The following EPB41L3 variants were observed in gnomAD, a reference collection of about 807,000 sequenced individuals.
EPB41L3 encodes the protein band 4.1-like protein 3.
In EPB41L3, 57 loss-of-function variants were observed where a neutral mutation model predicts 127.1. The ratio of observed to expected loss-of-function variants is 0.45; its 90% CI spans 0.36 to 0.56. The LOEUF is 0.56. EPB41L3 is among the 20% of genes least tolerant of loss of function. The pLI is 0.00. For synonymous variants in EPB41L3, 572 were observed against 549.5 expected (o/e 1.04, Z -0.57); for missense variants, 1,273 against 1,372.2 (o/e 0.93, Z 1.14).
chr18:5,495,543 G>A (rs1198200510), intron 1 of EPB41L3, among the ~76,000 whole-genome samples: 1 of 152,038 alleles, frequency 6.6e-6, no homozygotes, highest in Non-Finnish European at 1.5e-5. Context: ...CCCAGAGAGG[G>A]GGCTTTAACC....
chr18:5,535,285 T>G (rs2093538006), intron 1 of EPB41L3, among the ~76,000 whole-genome samples: 1 of 152,020 alleles, frequency 6.6e-6, no homozygotes, highest in African/African-American at 2.4e-5. Context: ...TGGAGGTCCT[T>G]GGTGCTAAAA....
intron 3 of EPB41L3, among the ~76,000 whole-genome samples, chr18:5,606,302 G>A (rs181293807): frequency 1.3e-5 from 2 of 152,264 alleles, no homozygotes; most frequent in Admixed American, 6.5e-5. Flanking sequence ...CTTTACATGA[G>A]CATGTGAGTA....
chr18:5,579,165 T>C (rs1035097838), intron 3 of EPB41L3, among the ~76,000 whole-genome samples: 5 of 152,242 alleles, frequency 3.3e-5, no homozygotes, highest in Admixed American at 3.3e-4. Context: ...AAGATGTCCT[T>C]TTTAAAAACT....
chr18:5,469,928 C>T (rs12457611), intron 3 of EPB41L3, among the ~76,000 whole-genome samples: 9,675 of 152,028 alleles, frequency 0.064, 482 homozygotes, highest in East Asian at 0.24. Flanking sequence ...TACATGAATG[C>T]GCCACCATGC....
At position 5,489,109 on chromosome 18, in the gene EPB41L3, C is replaced by G; in HGVS notation, c.75G>C (p.Ala25=). The G allele has an allele frequency of 4.4e-6, 7 of 1,593,818 alleles. No homozygotes were observed. The highest frequency in any genetic ancestry group is 6.0e-6 in the Non-Finnish European group (7 of 1,174,552). The change falls in exon 2 of 23, where the codon GCG becomes GCC. Residue 25 remains alanine (A), a synonymous_variant. Transcript: ENST00000341928. ...QEAEPQEAAG[A]QGRAGAPVPE... is the part of the protein sequence containing the mutation. ...GCACGGGCGCCCCCGCGCGCCCCTG[C>G]GCCCCCGCCGCCTCCTGGGGCTCGG...
At chr18:5,525,784 T>C (rs1160375878) in intron 1 of EPB41L3, among the ~76,000 whole-genome samples, 1 of 152,224 alleles carries the variant, frequency 6.6e-6, no homozygotes, top group African/African-American at 2.4e-5. Flanking sequence ...CCATTGTTAG[T>C]GAATATCTAA....
chr18:5,399,590 G>A (rs1028050210), intron 16 of EPB41L3: 9 of 384,742 alleles, frequency 2.3e-5, no homozygotes, highest in South Asian at 1.5e-4. Flanking sequence ...GAATACATTC[G>A]GTAGGTAGAG....
chr18:5,600,966 C>T, intron 3 of EPB41L3, among the ~76,000 whole-genome samples: 1 of 152,142 alleles, frequency 6.6e-6, no homozygotes, highest in African/African-American at 2.4e-5. Flanking sequence ...GCACATAGTA[C>T]TCAGCTAATT....
intron 1 of EPB41L3, among the ~76,000 whole-genome samples, chr18:5,490,785 T>C (rs764525815): frequency 4.2e-4 from 64 of 152,316 alleles, no homozygotes; most frequent in Admixed American, 6.5e-4. Flanking sequence ...GGAAAGGTTG[T>C]GGAGGGCTGC....
chr18:5,533,090 CCT>C (rs60252054), intron 1 of EPB41L3, among the ~76,000 whole-genome samples: 1,604 of 152,060 alleles, frequency 0.011, 26 homozygotes, highest in African/African-American at 0.036. Flanking sequence ...ATGTGAAAAC[CCT>C]CTCAGAGGTA....
In EPB41L3 at chr18:5,445,237, G is replaced by A; in HGVS notation, c.389C>T (p.Ser130Phe). The change falls in exon 4 of 23, where the codon TCC (serine) becomes TTC (phenylalanine). Residue 130 changes from serine (S) to phenylalanine (F), a missense_variant. Ser to Phe is a radical substitution (Grantham distance 155, BLOSUM62 -2). This residue lies in a region of EPB41L3 where 326 missense variants were observed against 440.2 expected (regional missense o/e 0.74). Coordinates refer to ENST00000341928, the MANE Select transcript of EPB41L3 (RefSeq NM_012307.5). ...TTTATCAAACAGCACTTGTCCTCTG[G>A]AGCGTTTCTACAGAAAACAGAATAG... ...SEYTCDVEKR[S>F]RGQVLFDKVC... 1 of 1,613,204 alleles carries A rather than the reference G, an allele frequency of 6.2e-7. No individual in the cohort carries two copies. The highest frequency in any genetic ancestry group is 1.3e-5 in the African/African-American group (1 of 75,048).
rs145441161 is a variant in EPB41L3 at position 5,404,728 on chromosome 18, G to C, written c.2349+2049C>G. Among the ~76,000 whole-genome samples the C allele has an allele frequency of 8.5e-4, 129 of 152,276 alleles. 1 individual carries two copies. In the East Asian group the frequency reaches 0.022, roughly 26 times the overall value. ...GTTGTTCCCTAAACTTTCATTCAAA[G>C]TGGCGATCACTTAGCATTTAGTTTT... On this transcript the variant is annotated intron_variant, in intron 16 of 22. Transcript: ENST00000341928.
chr18:5,447,409 T>G (rs1463846153), intron 3 of EPB41L3, among the ~76,000 whole-genome samples: 1 of 151,718 alleles, frequency 6.6e-6, no homozygotes, highest in South Asian at 2.1e-4. Flanking sequence ...CTTTAGATAT[T>G]AGATGCCTGC....
intron 3 of EPB41L3, among the ~76,000 whole-genome samples, chr18:5,566,718 TA>T (rs2094203338): frequency 2.1e-5 from 3 of 142,992 alleles, no homozygotes; most frequent in East Asian, 2.1e-4. Flanking sequence ...TTTTCTTTTC[TA>T]TTCCATTCTA....
intron 16 of EPB41L3, among the ~76,000 whole-genome samples, chr18:5,402,449 C>T (rs769374055): frequency 3.3e-5 from 5 of 152,004 alleles, no homozygotes; most frequent in South Asian, 2.1e-4. Flanking sequence ...AAACCCCCAG[C>T]GAAACAGTGG....
At chr18:5,546,303 C>A (rs2093880399), upstream of EPB41L3, among the ~76,000 whole-genome samples, 1 of 152,044 alleles carries the variant, frequency 6.6e-6, no homozygotes, top group African/African-American at 2.4e-5. Context: ...GAGGCTGAGG[C>A]CGGTGGATCA....
chr18:5,416,422 G>A lies in EPB41L3; in HGVS notation c.1507-44C>T, dbSNP rs543040062. 7.2e-6 allele frequency: 11 copies of A among 1,533,430 alleles called. No individual in the cohort carries two copies. In the East Asian group the frequency reaches 2.0e-4, roughly 29 times the overall value. The allele number at this position is 1,533,430 out of a possible 1,614,324, so 95.0% of individuals were successfully genotyped here. A position where few individuals can be genotyped will look rare whatever the true frequency, so the allele number is the denominator to read the frequency against. On this transcript the variant is annotated intron_variant, in intron 12 of 22. Coordinates refer to ENST00000341928, the MANE Select transcript of EPB41L3 (RefSeq NM_012307.5). Reference sequence around the variant, plus strand: ...AAAGAGACAGAAAGCAGCAAACAGAGGTGCAAAAGGACAAAAAGAAAACTG... The same window carrying A: ...AAAGAGACAGAAAGCAGCAAACAGAAGTGCAAAAGGACAAAAAGAAAACTG...
chr18:5,496,993 TG>T, intron 1 of EPB41L3, among the ~76,000 whole-genome samples: 1 of 152,294 alleles, frequency 6.6e-6, no homozygotes, highest in African/African-American at 2.4e-5. Flanking sequence ...CTAGACTGGA[TG>T]GTTAGGGAAG....
intron 1 of EPB41L3, among the ~76,000 whole-genome samples, chr18:5,540,078 A>G (rs572794185): frequency 3.9e-5 from 6 of 152,370 alleles, no homozygotes; most frequent in African/African-American, 1.2e-4. Flanking sequence ...GAATTTAAAA[A>G]GAATGCTGTT....
Sources: allele counts gnomAD v4.1 joint callset (sites outside exome capture counted in the v4.1 genomes callset), GRCh38; gene constraint gnomAD v4.1.1; regional missense constraint gnomAD v4.1.1; transcripts MANE v1.5; gene names NCBI Gene and HGNC (gene_info 2026-07-23, HGNC 2026-07-21).